POLR1C: variants seen among roughly 807,000 people sequenced by gnomAD.
POLR1C encodes RNA polymerase I and III subunit C.
POLR1C carries 42 observed loss-of-function variants against 38.3 expected under a neutral mutation model. The observed-to-expected ratio is 1.10, with a 90% CI of 0.86 to 1.42. The LOEUF is 1.42. POLR1C is among the 40% of genes most tolerant of loss of function. The pLI, the probability that POLR1C is intolerant of heterozygous loss-of-function variation, is 0.00. For missense variants in POLR1C, 507 were observed against 450.5 expected (o/e 1.13, Z -1.14); for synonymous variants, 163 against 163.9 (o/e 0.99, Z 0.04).
intron 10 of POLR1C, among the ~76,000 whole-genome samples, chr6:43,559,723 A>G (rs558222803): frequency 6.6e-6 from 1 of 152,376 alleles, no homozygotes; most frequent in African/African-American, 2.4e-5. Flanking sequence ...TATAATAACC[A>G]GTAAGGACTG....
At chr6:43,524,659 A>C, downstream of POLR1C, 1 of 1,609,560 alleles carries the variant, frequency 6.2e-7, no homozygotes, top group Non-Finnish European at 8.5e-7. Flanking sequence ...GGATAAACTT[A>C]CTGGATGTAG....
In POLR1C at chr6:43,557,664, T is replaced by C. The variant is rs112299232; in HGVS notation, c.*49-3736T>C. ...ATTTATTTTTGGGGTGATGAAAATATAATCTAAAATTGATTGTGGTGATGG... is the reference window on the plus strand; with the variant it reads ...ATTTATTTTTGGGGTGATGAAAATACAATCTAAAATTGATTGTGGTGATGG... On this transcript the variant is annotated intron_variant, in intron 10 of 10. Transcript: ENST00000607635. 3.7e-4 allele frequency among the ~76,000 whole-genome samples: 56 copies of C among 151,150 alleles called. 1 individual carries two copies. Among genetic ancestry groups the C allele is most frequent in the Middle Eastern group, 3.4e-3 (1 of 292 alleles).
chr6:43,546,789 GGA>G, intron 9 of POLR1C: 1 of 1,441,414 alleles, frequency 6.9e-7, no homozygotes, highest in East Asian at 2.6e-5. Context: ...AATATTAAAA[GGA>G]AAAAAAAAAA....
chr6:43,526,073 T>C, downstream of POLR1C: 1 of 689,014 alleles, frequency 1.5e-6, no homozygotes. Context: ...CTCCACATAA[T>C]GCCCATGCCC....
In POLR1C at chr6:43,528,349, A is replaced by C. The variant is rs901758622; in HGVS notation, c.923-900A>C. 140 of 752,856 alleles carry C rather than the reference A, an allele frequency of 1.9e-4. 1 individual carries two copies. The African/African-American group carries it at 1.9e-3, about 10-fold the overall frequency. The allele number at this position is 752,856 out of a possible 1,614,324, so 46.6% of individuals were successfully genotyped here. On this transcript the variant is annotated intron_variant, in intron 8 of 8. Coordinates refer to the POLR1C transcript ENST00000304004. Reference sequence around the variant, plus strand: ...ACAACTTCTGTAGACTCCACACCACAAGGTTAAAAAAAACATCTATGGTTT... The same window carrying C: ...ACAACTTCTGTAGACTCCACACCACCAGGTTAAAAAAAACATCTATGGTTT...
At chr6:43,531,005 A>G (rs890872057), downstream of POLR1C, among the ~76,000 whole-genome samples, 1 of 152,226 alleles carries the variant, frequency 6.6e-6, no homozygotes. Context: ...GGTGGCCGAG[A>G]TCAGCAGTAG....
intron 8 of POLR1C, chr6:43,529,112 C>A: frequency 9.0e-7 from 1 of 1,113,946 alleles, no homozygotes; most frequent in Non-Finnish European, 1.3e-6. Flanking sequence ...ATATTGAATT[C>A]CATTATACTC....
In POLR1C at chr6:43,517,248, G is replaced by A; in HGVS notation, c.70-58G>A. On this transcript the variant is annotated intron_variant, in intron 1 of 8. Transcript: ENST00000642195. ...AACAGGGATGGGTCTTGGGATTGGCGTGGGGATAGCTGTGGGCTCACTGTC... is the reference window on the plus strand; with the variant it reads ...AACAGGGATGGGTCTTGGGATTGGCATGGGGATAGCTGTGGGCTCACTGTC... The A allele has an allele frequency of 2.5e-6, 4 of 1,607,064 alleles. No individual in the cohort carries two copies. In the African/African-American group the frequency reaches 4.0e-5, roughly 16 times the overall value.
chr6:43,524,051 T>C (rs1793372705), downstream of POLR1C: 3 of 1,595,636 alleles, frequency 1.9e-6, no homozygotes, highest in Non-Finnish European at 2.6e-6. Context: ...CCCTCAGTAG[T>C]AGTTAAAAGA....
At chr6:43,526,050 G>A (rs972095847), downstream of POLR1C, 1 of 950,482 alleles carries the variant, frequency 1.1e-6, no homozygotes, top group Non-Finnish European at 1.6e-6. Flanking sequence ...AGTAGTACTA[G>A]GAGCCCTCCC....
chr6:43,519,756 T>A lies in POLR1C; in HGVS notation c.300T>A (p.Ile100=). 2 of 1,614,026 alleles carry A rather than the reference T, an allele frequency of 1.2e-6. No individual in the cohort carries two copies. The highest frequency in any genetic ancestry group is 1.1e-5 in the South Asian group (1 of 91,074). ...EKVLVYNNTS[I]VQDEILAHRL... is the part of the protein sequence containing the mutation. ...TCCTGGTGTACAATAATACATCCAT[T>A]GTTCAGGATGAGATTCTTGCTCACC... The change falls in exon 4 of 9, where the codon ATT becomes ATA. Residue 100 remains isoleucine, a synonymous_variant. Transcript: ENST00000642195.
chr6:43,555,887 C>A, intron 10 of POLR1C: 1 of 1,613,968 alleles, frequency 6.2e-7, no homozygotes, highest in Non-Finnish European at 8.5e-7. Flanking sequence ...TTTAGCCACT[C>A]CCCAGCCATC....
downstream of POLR1C, chr6:43,525,609 A>T: frequency 1.8e-6 from 1 of 559,086 alleles, no homozygotes; most frequent in Non-Finnish European, 3.1e-6. Flanking sequence ...AGGGATCTGC[A>T]TCAGTGTGCC....
intron 3 of POLR1C, 125 bp downstream of exon 3, chr6:43,519,565 T>C: frequency 6.9e-7 from 1 of 1,444,364 alleles, no homozygotes; most frequent in Middle Eastern, 1.7e-4. Context: ...GCTGAGCATT[T>C]TACCTTCTCA....
At chr6:43,560,367 T>C (rs1322708496) in intron 10 of POLR1C, 1 of 1,497,214 alleles carries the variant, frequency 6.7e-7, no homozygotes, top group Non-Finnish European at 8.9e-7. Context: ...GATTATTACT[T>C]AGCAGTTATC....
chr6:43,542,679 G>C lies in POLR1C; in HGVS notation c.*5-8289G>C, dbSNP rs372554713. 7.9e-5 allele frequency among the ~76,000 whole-genome samples: 12 copies of C among 152,048 alleles called. No homozygotes were observed. The South Asian group carries it at 1.2e-3, about 16-fold the overall frequency. On this transcript the variant is annotated intron_variant, in intron 9 of 10. Transcript: ENST00000607635. ...GACCTCAAGTGATTCACCTGCTTCGGCCTCCCAAAGTGCTTGGATTACAGG... is the reference window on the plus strand; with the variant it reads ...GACCTCAAGTGATTCACCTGCTTCGCCCTCCCAAAGTGCTTGGATTACAGG...
chr6:43,520,488 A>C, intron 6 of POLR1C, 61 bp downstream of exon 6: 1 of 1,607,456 alleles, frequency 6.2e-7, no homozygotes, highest in East Asian at 2.2e-5. Context: ...GGGCAAGCTG[A>C]CTAGGGAACT....
At chr6:43,540,702 G>A (rs1450138451) in intron 9 of POLR1C, among the ~76,000 whole-genome samples, 1 of 152,112 alleles carries the variant, frequency 6.6e-6, no homozygotes, top group African/African-American at 2.4e-5. Context: ...ACGTTGCCCA[G>A]GCTGGTCTCC....
downstream of POLR1C, among the ~76,000 whole-genome samples, chr6:43,530,171 C>T (rs922821614): frequency 1.7e-4 from 26 of 152,202 alleles, no homozygotes; most frequent in African/African-American, 6.0e-4. Flanking sequence ...GCACATGAAT[C>T]ACTTGAACCC....
Sources: gnomAD v4.1 joint callset for allele counts (sites outside exome capture counted in the v4.1 genomes callset) on GRCh38, gnomAD v4.1.1 for gene constraint, MANE v1.5 for transcripts, NCBI Gene and HGNC (gene_info 2026-07-23, HGNC 2026-07-21) for gene names.